CECR2: variants seen among roughly 807,000 people sequenced by gnomAD.
CECR2 encodes the protein chromatin remodeling regulator CECR2.
In CECR2, 30 loss-of-function variants were observed where a neutral mutation model predicts 154.5. The observed-to-expected ratio is 0.19, with a 90% CI of 0.15 to 0.26. CECR2 has a LOEUF of 0.26. Ranked by LOEUF, CECR2 falls within the 10% of genes least tolerant of loss-of-function variation. The pLI is 1.00. For synonymous variants in CECR2, 725 were observed against 683.7 expected, an observed-to-expected ratio of 1.06 and a Z score of -0.94; for missense variants, 1,743 against 1,829.3, an observed-to-expected ratio of 0.95 and a Z score of 0.86.
At chr22:17,491,490 G>A (rs2055528190) in intron 2 of CECR2, among the ~76,000 whole-genome samples, 1 of 145,720 alleles carries the variant, frequency 6.9e-6, no homozygotes, top group African/African-American at 2.5e-5. Flanking sequence ...TTCCTTTGTT[G>A]GTCCTTTAAT....
chr22:17,442,775 C>G, intron 1 of CECR2, among the ~76,000 whole-genome samples: 1 of 152,060 alleles, frequency 6.6e-6, no homozygotes, highest in Admixed American at 6.6e-5. Flanking sequence ...TCTTGAACTC[C>G]TGACCTCATG....
intron 1 of CECR2, among the ~76,000 whole-genome samples, chr22:17,412,941 C>T (rs2054089384): frequency 6.6e-6 from 1 of 152,148 alleles, no homozygotes; most frequent in Non-Finnish European, 1.5e-5. Flanking sequence ...AGGCTGCAGT[C>T]GGACTTCTGA....
At chr22:17,540,865 CCATT>C in intron 14 of CECR2, 65 bp downstream of exon 14, 2 of 1,453,796 alleles carry the variant, frequency 1.4e-6, no homozygotes, top group South Asian at 3.2e-5. Context: ...AATGTAGAGG[CCATT>C]CAGTTAGTAC....
At chr22:17,386,037 G>A (rs148653788) in intron 1 of CECR2, among the ~76,000 whole-genome samples, 2 of 152,302 alleles carry the variant, frequency 1.3e-5, no homozygotes, top group African/African-American at 4.8e-5. Context: ...GGAGGAATGG[G>A]GCTCCTGGCA....
rs138496515 is a variant in CECR2 at position 17,458,375 on chromosome 22, A to G, written c.127-19213A>G. On this transcript the variant is annotated intron_variant, in intron 1 of 18. Transcript: ENST00000262608. Reference sequence around the variant, plus strand: ...GTTGCAGTGAGCTGAGATTGCACCAATGCACTACAACCTGGGCGACAGAGC... The same window carrying G: ...GTTGCAGTGAGCTGAGATTGCACCAGTGCACTACAACCTGGGCGACAGAGC... Among the ~76,000 whole-genome samples, 307 of 151,464 alleles carry G rather than the reference A, an allele frequency of 2.0e-3. 1 individual carries two copies. Among genetic ancestry groups the G allele is most frequent in the African/African-American group, 6.9e-3 (286 of 41,288 alleles).
At chr22:17,400,141 C>G (rs2053870478) in intron 1 of CECR2, among the ~76,000 whole-genome samples, 1 of 152,178 alleles carries the variant, frequency 6.6e-6, no homozygotes, top group African/African-American at 2.4e-5. Context: ...CCTGCAGGGA[C>G]AATGTCCAAA....
chr22:17,549,378 C>CTTCCCCTGT lies in CECR2; in HGVS notation c.4092_4100dup (p.Ser1365_Val1367dup). 1 of 1,613,958 alleles carries CTTCCCCTGT rather than the reference C, an allele frequency of 6.2e-7. No homozygotes were observed. The highest frequency in any genetic ancestry group is 8.5e-7 in the Non-Finnish European group (1 of 1,179,878). ...AGTCACTTTCAGCCCAGGGCTTACT[C>CTTCCCCTGT]TTCCCCTGTGGCTGCCCTCCCACCT... On this transcript the variant is annotated inframe_insertion, in exon 17 of 19. Transcript: ENST00000262608.
intron 1 of CECR2, among the ~76,000 whole-genome samples, chr22:17,360,613 G>T (rs1313247920): frequency 6.6e-6 from 1 of 151,994 alleles, no homozygotes; most frequent in African/African-American, 2.4e-5. Flanking sequence ...GAAGGCAGAG[G>T]TTGCAGTGAA....
In CECR2 at chr22:17,466,880, C is replaced by CCG. The variant is rs2055042002; in HGVS notation, c.127-10708_127-10707insCG. Reference sequence around the variant, plus strand: ...GTGCAGGAATTACAGGCGTGAGCCACTGCACTTGGCCAAAACCTTTCATTT... The same window carrying CCG: ...GTGCAGGAATTACAGGCGTGAGCCACCGTGCACTTGGCCAAAACCTTTCATTT... On this transcript the variant is annotated intron_variant, in intron 1 of 18. Coordinates refer to ENST00000262608, the MANE Select transcript of CECR2 (RefSeq NM_001290047.2). 2.6e-5 allele frequency among the ~76,000 whole-genome samples: 4 copies of CCG among 152,342 alleles called. No individual in the cohort carries two copies. In the South Asian group the frequency reaches 6.2e-4, roughly 24 times the overall value.
chr22:17,520,564 T>A (rs1443738400), intron 8 of CECR2, among the ~76,000 whole-genome samples: 1 of 152,130 alleles, frequency 6.6e-6, no homozygotes, highest in African/African-American at 2.4e-5. Context: ...CCTAATGCTA[T>A]CCCTCCCCCA....
chr22:17,364,733 A>G (rs928063198), upstream of CECR2, among the ~76,000 whole-genome samples: 2 of 152,244 alleles, frequency 1.3e-5, no homozygotes, highest in African/African-American at 4.8e-5. Flanking sequence ...AGGCTGAGAC[A>G]GGAGAACCGC....
intron 8 of CECR2, among the ~76,000 whole-genome samples, chr22:17,517,566 C>G (rs965423841): frequency 6.6e-6 from 1 of 152,192 alleles, no homozygotes; most frequent in Admixed American, 6.5e-5. Context: ...ACTATATAGA[C>G]CAACACTGCT....
chr22:17,469,431 C>A (rs5747190), intron 1 of CECR2, among the ~76,000 whole-genome samples: 22,536 of 152,092 alleles, frequency 0.15, 1,729 homozygotes, highest in African/African-American at 0.17. Context: ...TTAGTTTCGA[C>A]GGGGTCATTT....
intron 1 of CECR2, among the ~76,000 whole-genome samples, chr22:17,435,684 TAAAAAA>T (rs10694414): frequency 8.8e-5 from 8 of 90,944 alleles, no homozygotes; most frequent in South Asian, 4.4e-4. Flanking sequence ...TTTTAATTCT[TAAAAAA>T]AAAAAAAAAA....
chr22:17,420,934 T>A (rs2054236376), intron 1 of CECR2, among the ~76,000 whole-genome samples: 1 of 152,230 alleles, frequency 6.6e-6, no homozygotes, highest in Non-Finnish European at 1.5e-5. Flanking sequence ...AGAGGTATTA[T>A]GAGGACCTCG....
chr22:17,491,466 C>T (rs2055527717), intron 2 of CECR2, among the ~76,000 whole-genome samples: 1 of 151,540 alleles, frequency 6.6e-6, no homozygotes, highest in Admixed American at 6.6e-5. Flanking sequence ...TTCTCTGCTG[C>T]CTTCTGCTTT....
intron 2 of CECR2, among the ~76,000 whole-genome samples, chr22:17,496,810 A>G (rs1174412523): frequency 1.3e-5 from 2 of 152,158 alleles, no homozygotes; most frequent in Admixed American, 1.3e-4. Context: ...TAACCTACAC[A>G]TTTGATTATG....
intron 8 of CECR2, among the ~76,000 whole-genome samples, chr22:17,520,725 C>T (rs1395514078): frequency 2.0e-5 from 3 of 152,096 alleles, no homozygotes; most frequent in Non-Finnish European, 4.4e-5. Flanking sequence ...TTTCCAGCTT[C>T]ATTCATGTCC....
intron 1 of CECR2, among the ~76,000 whole-genome samples, chr22:17,417,804 A>G (rs1254091042): frequency 6.6e-6 from 1 of 152,048 alleles, no homozygotes; most frequent in Non-Finnish European, 1.5e-5. Flanking sequence ...TATTTTTAGT[A>G]GAGACAGGAT....
Sources: allele counts gnomAD v4.1 joint callset (sites outside exome capture counted in the v4.1 genomes callset), GRCh38; gene constraint gnomAD v4.1.1; transcripts MANE v1.5; gene names NCBI Gene and HGNC (gene_info 2026-07-23, HGNC 2026-07-21).